Variants in PRDM2 observed in about 807,000 individuals in gnomAD.
The protein encoded by PRDM2 is PR domain zinc finger protein 2.
A neutral mutation model predicts 130.0 loss-of-function variants in PRDM2; 30 were observed. The ratio of observed to expected loss-of-function variants is 0.23; its 90% CI spans 0.17 to 0.31. PRDM2 has a LOEUF of 0.31. PRDM2 is among the 10% of genes least tolerant of loss of function. The pLI, the probability that PRDM2 is intolerant of heterozygous loss-of-function variation, is 1.00. For synonymous variants in PRDM2, 871 were observed against 782.4 expected (o/e 1.11, Z -1.89); for missense variants, 2,011 against 2,108.4 (o/e 0.95, Z 0.90).
At chr1:13,734,650 A>G (rs1328641838) in intron 4 of PRDM2, among the ~76,000 whole-genome samples, 1 of 152,192 alleles carries the variant, frequency 6.6e-6, no homozygotes, top group East Asian at 1.9e-4. Flanking sequence ...TTAACATCCC[A>G]TTGTTAATGT....
intron 2 of PRDM2, among the ~76,000 whole-genome samples, chr1:13,723,187 C>G (rs1425497055): frequency 6.6e-6 from 1 of 152,186 alleles, no homozygotes; most frequent in Non-Finnish European, 1.5e-5. Flanking sequence ...CTCTCAAGTC[C>G]AAGTCCCTGT....
chr1:13,791,769 A>G (rs1025851485), intron 8 of PRDM2, among the ~76,000 whole-genome samples: 1 of 152,260 alleles, frequency 6.6e-6, no homozygotes, highest in East Asian at 1.9e-4. Flanking sequence ...AGTCATTAAA[A>G]GGTACCCAGA....
intron 4 of PRDM2, among the ~76,000 whole-genome samples, chr1:13,737,836 T>C (rs968987995): frequency 6.6e-6 from 1 of 152,232 alleles, no homozygotes; most frequent in Non-Finnish European, 1.5e-5. Context: ...ATTAAGCTTT[T>C]AGCACATACC....
At position 13,789,142 on chromosome 1, in the gene PRDM2, A is replaced by G. The variant is rs541844883; in HGVS notation, c.5036+6311A>G. 1.2e-3 allele frequency among the ~76,000 whole-genome samples: 177 copies of G among 152,316 alleles called. 3 individuals are homozygous for G. In the South Asian group the frequency reaches 0.036, roughly 31 times the overall value. On this transcript the variant is annotated intron_variant, in intron 8 of 9. Coordinates refer to ENST00000311066, the MANE Select transcript of PRDM2 (RefSeq NM_001393986.1). ...GTCACCAAGGAACCACATCACATCC[A>G]TCTCACCAAGGGAGAAGCTGCCCTG...
Position 13,780,710 on chromosome 1 carries a change from C to G in PRDM2, c.2915C>G (p.Ser972Cys). ...CTCTTGATCCCCACAGATCCCTCTT[C>G]CCCTCCACCCTGTCCCCCGGTATTA... ...PPLLIPTDPSSPPPCPPVLTV... is the reference protein window; with the variant it reads ...PPLLIPTDPSCPPPCPPVLTV... Residue 972 changes from serine to cysteine, a missense_variant, in exon 8 of 10, where the codon TCC (serine) becomes TGC (cysteine). Ser to Cys is a moderately radical substitution (Grantham distance 112). Transcript: ENST00000311066. 6.2e-7 allele frequency: 1 copy of G among 1,601,166 alleles called. No homozygotes were observed. The highest frequency in any genetic ancestry group is 1.3e-5 in the African/African-American group (1 of 74,520).
chr1:13,749,502 GC>G lies in PRDM2; in HGVS notation c.511+18del. On this transcript the variant is annotated intron_variant, in intron 6 of 9. Coordinates refer to ENST00000311066, the MANE Select transcript of PRDM2 (RefSeq NM_001393986.1). ...GAGCCGGAAAGGTAGGAGCCCCCCGGCCCGCCCGCCCGGCCCCGGCGCCACG... is the reference window on the plus strand; with the variant it reads ...GAGCCGGAAAGGTAGGAGCCCCCCGGCCGCCCGCCCGGCCCCGGCGCCACG... The G allele has an allele frequency of 7.5e-7, 1 of 1,331,796 alleles. No individual in the cohort carries two copies. The highest frequency in any genetic ancestry group is 9.8e-7 in the Non-Finnish European group (1 of 1,016,456). The allele number at this position is 1,331,796 out of a possible 1,614,324, so 82.5% of individuals were successfully genotyped here. A position where few individuals can be genotyped will look rare whatever the true frequency, so the allele number is the denominator to read the frequency against.
intron 8 of PRDM2, among the ~76,000 whole-genome samples, chr1:13,814,384 C>T (rs144374321): frequency 1.1e-3 from 162 of 152,344 alleles, no homozygotes; most frequent in Admixed American, 1.8e-3. Flanking sequence ...GACAGAGAGC[C>T]AGGCCCTTGG....
intron 3 of PRDM2, among the ~76,000 whole-genome samples, 172 bp downstream of exon 3, chr1:13,731,289 A>G (rs1230863435): frequency 6.6e-6 from 1 of 152,156 alleles, no homozygotes; most frequent in African/African-American, 2.4e-5. Context: ...CAGGTTGGAC[A>G]TGGGTTGTAA....
At chr1:13,760,660 T>A (rs1311397163) in intron 6 of PRDM2, among the ~76,000 whole-genome samples, 1 of 152,178 alleles carries the variant, frequency 6.6e-6, no homozygotes, top group African/African-American at 2.4e-5. Flanking sequence ...CTCTCCATGT[T>A]TTGGTCCTTA....
In PRDM2 at chr1:13,778,859, T is replaced by C. The variant is rs896172997; in HGVS notation, c.1064T>C (p.Phe355Ser). 1 of 1,614,084 alleles carries C rather than the reference T, an allele frequency of 6.2e-7. No homozygotes were observed. Among genetic ancestry groups the C allele is most frequent in the Non-Finnish European group, 8.5e-7 (1 of 1,180,054 alleles). ...AAAGAAGAGGCCAATGGTGATGTAT[T>C]TGAAACGTTTATGTTTCCGTGTCAA... ...RTKEEANGDV[F>S]ETFMFPCQHC... Residue 355 changes from phenylalanine (F) to serine (S), a missense_variant, in exon 8 of 10, where the codon TTT (phenylalanine) becomes TCT (serine). Phe to Ser is a radical substitution (Grantham distance 155). This residue lies in a region of PRDM2 where 1,288 missense variants were observed against 1,237.7 expected (regional missense o/e 1.04). Transcript: ENST00000311066.
chr1:13,769,226 C>G, intron 6 of PRDM2: 1 of 897,258 alleles, frequency 1.1e-6, no homozygotes, highest in Non-Finnish European at 1.3e-6. Context: ...GCTCCTCTGC[C>G]TCACAGAGAG....
intron 6 of PRDM2, among the ~76,000 whole-genome samples, chr1:13,757,144 C>T (rs1643975996): frequency 6.6e-6 from 1 of 152,190 alleles, no homozygotes; most frequent in Admixed American, 6.5e-5. Context: ...TAGGAGAGAC[C>T]AGTCATGGTG....
Position 13,759,369 on chromosome 1 carries a change from G to A in PRDM2, c.511+9882G>A, listed in dbSNP as rs190240994. ...TTGAAGTTGCAATGCCGTTTAGAAT[G>A]GGCAACAATGCAGTTTCTGAGCCTT... On this transcript the variant is annotated intron_variant, in intron 6 of 9. Transcript: ENST00000311066. Among the ~76,000 whole-genome samples the A allele has an allele frequency of 5.3e-5, 8 of 152,226 alleles. No homozygotes were observed. In the East Asian group the frequency reaches 1.5e-3, roughly 29 times the overall value.
chr1:13,764,108 G>A (rs895965805), intron 6 of PRDM2, among the ~76,000 whole-genome samples: 4 of 152,102 alleles, frequency 2.6e-5, no homozygotes, highest in Admixed American at 6.5e-5. Context: ...TTTAAAGGGG[G>A]AAACATGATT....
chr1:13,781,518 T>C lies in PRDM2; in HGVS notation c.3723T>C (p.His1241=), dbSNP rs1644612338. 1.9e-6 allele frequency: 3 copies of C among 1,612,834 alleles called. No individual in the cohort carries two copies. Among genetic ancestry groups the C allele is most frequent in the Non-Finnish European group, 2.5e-6 (3 of 1,179,926 alleles). ...PQNFTDPSKA[H]VEHMQSLPED... ...ACTTTACAGATCCCAGCAAGGCCCA[T>C]GTAGAGCATATGCAGAGCTTGCCAG... is the stretch of plus-strand genomic sequence containing the variant. The change falls in exon 8 of 10, where the codon CAT becomes CAC. Residue 1241 remains histidine, a synonymous_variant. Coordinates refer to ENST00000311066, the MANE Select transcript of PRDM2 (RefSeq NM_001393986.1). The surrounding 1 kb of genome is among the most constrained non-coding windows in gnomAD (Gnocchi z 6.1).
At chr1:13,757,125 T>C (rs1643975543) in intron 6 of PRDM2, among the ~76,000 whole-genome samples, 1 of 152,226 alleles carries the variant, frequency 6.6e-6, no homozygotes, top group Non-Finnish European at 1.5e-5. Context: ...TTAAGTGAAG[T>C]GTTTGGTGTA....
chr1:13,782,569 C>T lies in PRDM2; in HGVS notation c.4774C>T (p.Pro1592Ser). Residue 1592 changes from proline to serine, a missense_variant, in exon 8 of 10, where the codon CCT becomes TCT. This residue lies in a region of PRDM2 where 410 missense variants were observed against 395.9 expected (regional missense o/e 1.04). Coordinates refer to ENST00000311066, the MANE Select transcript of PRDM2 (RefSeq NM_001393986.1). ...AKITHVEGKK[P>S]KAVAKNHSAQ... The stretch of plus-strand genomic sequence containing the variant: ...AATAACTCATGTTGAGGGGAAAAAA[C>T]CTAAAGCTGTGGCCAAGAATCATTC... 6.2e-7 allele frequency: 1 copy of T among 1,614,194 alleles called. No homozygotes were observed. The highest frequency in any genetic ancestry group is 8.5e-7 in the Non-Finnish European group (1 of 1,180,038).
intron 6 of PRDM2, among the ~76,000 whole-genome samples, chr1:13,762,780 G>A (rs904418274): frequency 2.6e-5 from 4 of 152,194 alleles, no homozygotes; most frequent in African/African-American, 7.2e-5. Context: ...CAGGCTTCCC[G>A]GCTTTACCTG....
At position 13,782,354 on chromosome 1, in the gene PRDM2, C is replaced by G. The variant is rs776066955; in HGVS notation, c.4559C>G (p.Ala1520Gly). ...NSNHRRRTAD[A>G]EIKMQSMQTP... Reference sequence around the variant, plus strand: ...AACCACCGCAGACGGACAGCGGATGCGGAGATTAAAATGCAAAGCATGCAG... The same window carrying G: ...AACCACCGCAGACGGACAGCGGATGGGGAGATTAAAATGCAAAGCATGCAG... Residue 1520 changes from alanine (A) to glycine (G), a missense_variant, in exon 8 of 10, where the codon GCG (alanine) becomes GGG (glycine). Ala to Gly is a moderately conservative substitution (Grantham distance 60, BLOSUM62 0). Transcript: ENST00000311066. 2 of 1,614,042 alleles carry G rather than the reference C, an allele frequency of 1.2e-6. No individual in the cohort carries two copies. The highest frequency in any genetic ancestry group is 1.7e-6 in the Non-Finnish European group (2 of 1,180,026).
Sources: allele counts gnomAD v4.1 joint callset (sites outside exome capture counted in the v4.1 genomes callset), GRCh38; gene constraint gnomAD v4.1.1; regional missense constraint gnomAD v4.1.1; non-coding constraint Gnocchi (gnomAD v3.1); transcripts MANE v1.5; gene names NCBI Gene and HGNC (gene_info 2026-07-23, HGNC 2026-07-21).